CAST: variants seen among roughly 807,000 people sequenced by gnomAD.
The protein encoded by CAST is calpastatin, also known as MIR583 host.
Under a neutral mutation model 119.6 loss-of-function variants are expected in CAST, and 76 were observed. The observed-to-expected ratio is 0.64, with a 90% confidence interval of 0.53 to 0.77. CAST has a LOEUF of 0.77. Ranked by LOEUF, CAST falls within the 30% of genes least tolerant of loss-of-function variation. The pLI is 0.00. For missense variants in CAST, 953 were observed against 946.5 expected (o/e 1.01, Z -0.09); for synonymous variants, 319 against 331.6 (o/e 0.96, Z 0.41).
chr5:96,584,151 T>C (rs1001288824), intron 1 of CAST, among the ~76,000 whole-genome samples: 2 of 152,210 alleles, frequency 1.3e-5, no homozygotes, highest in African/African-American at 2.4e-5. Context: ...GGTTTCAAGA[T>C]GAAACTGTTC....
the CAST span, among the ~76,000 whole-genome samples, chr5:96,466,941 G>A: frequency 6.6e-6 from 1 of 152,116 alleles, no homozygotes; most frequent in Non-Finnish European, 1.5e-5. Context: ...GGTTGTACCA[G>A]TTTGCATTTG....
chr5:96,762,108 GAAGA>G (rs1194527709), intron 24 of CAST, 162 bp from the exon 25 acceptor site: 20 of 449,604 alleles, frequency 4.4e-5, no homozygotes, highest in East Asian at 2.7e-4. Context: ...ATACAATAGA[GAAGA>G]AAGAATTTAA....
At chr5:96,717,502 C>T (rs1561515143) in intron 3 of CAST, among the ~76,000 whole-genome samples, 2 of 152,148 alleles carry the variant, frequency 1.3e-5, no homozygotes, top group African/African-American at 4.8e-5. Flanking sequence ...GGTTCACATG[C>T]ATTAACTTAT....
chr5:96,622,349 G>A (rs1034202690), intron 1 of CAST, among the ~76,000 whole-genome samples: 6 of 152,122 alleles, frequency 3.9e-5, no homozygotes, highest in African/African-American at 1.2e-4. Flanking sequence ...GCTTAATGAC[G>A]TGGTCACCAC....
At chr5:96,410,726 G>T in the CAST span, 1 of 1,426,798 alleles carries the variant, frequency 7.0e-7, no homozygotes, top group Non-Finnish European at 9.9e-7. Flanking sequence ...TCACATGCAT[G>T]CCACGCTCTC....
chr5:96,419,274 A>AT, the CAST span, among the ~76,000 whole-genome samples: 60 of 149,832 alleles, frequency 4.0e-4, no homozygotes, highest in African/African-American at 1.4e-3. Flanking sequence ...AGTTAGAGGT[A>AT]TTAAATGAGT....
Position 96,688,038 on chromosome 5 carries a change from A to T in CAST, c.139-7798A>T, listed in dbSNP as rs895186789. Reference sequence around the variant, plus strand: ...TGCTATCTGCCTGCATGTTAACCATATAGTTCAGGGGACACCCAGTGGTTA... The same window carrying T: ...TGCTATCTGCCTGCATGTTAACCATTTAGTTCAGGGGACACCCAGTGGTTA... On this transcript the variant is annotated intron_variant, in intron 2 of 31. Transcript: ENST00000675179. 2.0e-5 allele frequency among the ~76,000 whole-genome samples: 3 copies of T among 152,230 alleles called. No homozygotes were observed. In the South Asian group the frequency reaches 6.2e-4, roughly 31 times the overall value.
chr5:96,006,506 T>G, the CAST span, among the ~76,000 whole-genome samples: 1 of 152,178 alleles, frequency 6.6e-6, no homozygotes, highest in East Asian at 1.9e-4. Context: ...TCGAGCACAA[T>G]CATTTACCTG....
chr5:96,104,180 AG>A, the CAST span, among the ~76,000 whole-genome samples: 1 of 152,034 alleles, frequency 6.6e-6, no homozygotes, highest in Non-Finnish European at 1.5e-5. Flanking sequence ...CCCATTTTGT[AG>A]GTTGCCTGTT....
chr5:96,306,729 G>C, the CAST span, among the ~76,000 whole-genome samples: 1 of 152,134 alleles, frequency 6.6e-6, no homozygotes, highest in African/African-American at 2.4e-5. Flanking sequence ...TCAAGAGCAG[G>C]TTGTTCAGTT....
At chr5:96,474,458 G>A in the CAST span, among the ~76,000 whole-genome samples, 2 of 152,156 alleles carry the variant, frequency 1.3e-5, no homozygotes, top group African/African-American at 4.8e-5. Flanking sequence ...GGTGGGGCCT[G>A]TTGTGTGCCT....
At chr5:96,730,731 C>T (rs777460579) in intron 8 of CAST, 49 bp from the exon 9 acceptor site, 2 of 1,289,848 alleles carry the variant, frequency 1.6e-6, no homozygotes, top group Non-Finnish European at 2.3e-6. Flanking sequence ...TTGATAATAG[C>T]CATGCAGAGA....
At position 96,772,933 on chromosome 5, in the gene CAST, AC is replaced by A. The variant is rs1772983786; in HGVS notation, c.*318del. 1.9e-5 allele frequency: 3 copies of A among 154,024 alleles called. No individual in the cohort carries two copies. The highest frequency in any genetic ancestry group is 2.1e-4 in the South Asian group (1 of 4,832). 9.5% of individuals were successfully genotyped at this position (154,024 alleles called of 1,614,324 possible). A position where few individuals can be genotyped will look rare whatever the true frequency, so the allele number is the denominator to read the frequency against. On this transcript the variant is annotated 3_prime_UTR_variant, in exon 32 of 32. Coordinates refer to ENST00000675179, the MANE Select transcript of CAST (RefSeq NM_001750.7). ...AGTTTCTTAAAGCAACACCAAAAAAACAAAAGAAAAGCTAAGTGAATTTTTG... is the reference window on the plus strand; with the variant it reads ...AGTTTCTTAAAGCAACACCAAAAAAAAAAAGAAAAGCTAAGTGAATTTTTG...
Position 96,741,223 on chromosome 5 carries a change from A to G in CAST, c.919-43A>G, listed in dbSNP as rs748941971. On this transcript the variant is annotated intron_variant, in intron 13 of 31. Transcript: ENST00000675179. ...GGTTTATGATCCATTCTTCCACTTG[A>G]GTGCTTCCCGTAAGTTACCCATCAC... 13 of 1,034,506 alleles carry G rather than the reference A, an allele frequency of 1.3e-5. No individual in the cohort carries two copies. In the South Asian group the frequency reaches 1.7e-4, roughly 14 times the overall value. The allele number at this position is 1,034,506 out of a possible 1,614,324, so 64.1% of individuals were successfully genotyped here.
At chr5:96,404,384 G>A in the CAST span, among the ~76,000 whole-genome samples, 3,076 of 152,296 alleles carry the variant, frequency 0.02, 117 homozygotes, top group African/African-American at 0.071. Flanking sequence ...GAACCTGCAT[G>A]TTAAATAAAC....
intron 1 of CAST, chr5:96,529,903 A>C: frequency 2.8e-6 from 1 of 363,614 alleles, no homozygotes; most frequent in South Asian, 2.1e-5. Flanking sequence ...AACCTCTCTT[A>C]TTTATAAATT....
In CAST at chr5:96,599,971, A is replaced by AAAAAAAAAAAG. The variant is rs1554070008; in HGVS notation, c.60+70101_60+70102insGAAAAAAAAAA. 4.2e-3 allele frequency among the ~76,000 whole-genome samples: 600 copies of AAAAAAAAAAAG among 142,708 alleles called. 13 individuals carry two copies. Among genetic ancestry groups the AAAAAAAAAAAG allele is most frequent in the South Asian group, 0.023 (100 of 4,382 alleles). The allele number at this position is 142,708 out of a possible 152,430, so 93.6% of individuals were successfully genotyped here. A position where few individuals can be genotyped will look rare whatever the true frequency, so the allele number is the denominator to read the frequency against. ...TGTATTATTGCTTCATTAGGCAAAA[A>AAAAAAAAAAAG]AAAAAAAAAAAACCCTCAAGCTCTG... On this transcript the variant is annotated intron_variant, in intron 1 of 11. Coordinates refer to the CAST transcript ENST00000505143.
intron 2 of CAST, among the ~76,000 whole-genome samples, chr5:96,681,111 T>A (rs867003773): frequency 6.6e-6 from 1 of 152,240 alleles, no homozygotes; most frequent in Non-Finnish European, 1.5e-5. Flanking sequence ...ATTTTTTCAT[T>A]TGAAATTTTC....
intron 1 of CAST, among the ~76,000 whole-genome samples, chr5:96,551,709 A>C (rs1448336491): frequency 6.6e-6 from 1 of 152,226 alleles, no homozygotes; most frequent in East Asian, 1.9e-4. Flanking sequence ...GCTCAAAATA[A>C]AGGGATGGAG....
Sources: allele counts gnomAD v4.1 joint callset (sites outside exome capture counted in the v4.1 genomes callset), GRCh38; gene constraint gnomAD v4.1.1; transcripts MANE v1.5; gene names NCBI Gene and HGNC (gene_info 2026-07-23, HGNC 2026-07-21).